CMC2: variants seen among roughly 807,000 people sequenced by gnomAD.
CMC2 encodes the protein C-X9-C motif containing 2.
CMC2 carries 5 observed loss-of-function variants against 7.5 expected under a neutral mutation model. The ratio of observed to expected loss-of-function variants is 0.66; its 90% CI spans 0.35 to 1.40. CMC2 has a LOEUF of 1.40. Among genes scored for constraint, CMC2 ranks in the 40% most tolerant of loss-of-function variants. The pLI, the probability that CMC2 is intolerant of heterozygous loss-of-function variation, is 0.04. For missense variants in CMC2, 115 were observed against 92.3 expected, an observed-to-expected ratio of 1.25 and a Z score of -1.01; for synonymous variants, 37 against 31.4, an observed-to-expected ratio of 1.18 and a Z score of -0.60.
At chr16:80,983,455 G>C (rs906140603) in intron 2 of CMC2, 1 of 152,152 alleles carries the variant, frequency 6.6e-6, no homozygotes, top group Non-Finnish European at 1.5e-5. Context: ...CACAAAGACA[G>C]TATAAAAGTT....
intron 3 of CMC2, chr16:80,980,630 C>G (rs1314551099): frequency 3.0e-5 from 13 of 432,730 alleles, no homozygotes; most frequent in Non-Finnish European, 4.5e-5. Context: ...TGACTCATGT[C>G]TGTAGTCCCA....
At chr16:80,988,056 C>T (rs141036437) in intron 2 of CMC2, among the ~76,000 whole-genome samples, 1 of 151,940 alleles carries the variant, frequency 6.6e-6, no homozygotes, top group Admixed American at 6.6e-5. Flanking sequence ...TGATGGCACA[C>T]ACCTGTACTC....
chr16:80,995,961 C>T (rs1363599238), intron 2 of CMC2, among the ~76,000 whole-genome samples: 2 of 151,292 alleles, frequency 1.3e-5, no homozygotes, highest in African/African-American at 4.9e-5. Flanking sequence ...TCTTTAGTTC[C>T]AGTGATTCAA....
chr16:80,976,700 T>C (rs563611159), intron 3 of CMC2, among the ~76,000 whole-genome samples: 5 of 152,322 alleles, frequency 3.3e-5, no homozygotes, highest in African/African-American at 1.2e-4. Flanking sequence ...TGTCTAACTG[T>C]TGGACAATTC....
intron 3 of CMC2, among the ~76,000 whole-genome samples, chr16:80,977,486 G>C (rs1212380542): frequency 6.6e-6 from 1 of 152,132 alleles, no homozygotes; most frequent in African/African-American, 2.4e-5. Context: ...GAAAACATGT[G>C]AACAGTTAAA....
intron 2 of CMC2, chr16:80,983,091 G>A (rs1967253571): frequency 6.5e-6 from 1 of 153,156 alleles, no homozygotes; most frequent in Admixed American, 6.5e-5. Flanking sequence ...TACCATAAAT[G>A]TATTTTCTCT....
In CMC2 at chr16:80,985,901, C is replaced by CAAAAAAAAAA. The variant is rs57915291; in HGVS notation, c.82-4034_82-4025dup. ...GAAATATCATTCTCCCATATACCTG[C>CAAAAAAAAAA]AAAAAAAAAAAAAAAAACCACAGGA... On this transcript the variant is annotated intron_variant, in intron 2 of 3. Coordinates refer to ENST00000219400, the MANE Select transcript of CMC2 (RefSeq NM_020188.5). Among the ~76,000 whole-genome samples the CAAAAAAAAAA allele has an allele frequency of 9.8e-3, 1,029 of 104,816 alleles. 53 individuals are homozygous for CAAAAAAAAAA. The East Asian group carries it at 0.1, about 10-fold the overall frequency. The allele number at this position is 104,816 out of a possible 152,430, so 68.8% of individuals were successfully genotyped here. A position where few individuals can be genotyped will look rare whatever the true frequency, so the allele number is the denominator to read the frequency against.
chr16:80,999,298 T>C (rs1968671714), intron 1 of CMC2, among the ~76,000 whole-genome samples: 1 of 152,016 alleles, frequency 6.6e-6, no homozygotes, highest in Admixed American at 6.6e-5. Context: ...AAATCAAGAA[T>C]ACAATCCCAT....
At chr16:80,983,526 T>C (rs1302476496) in intron 2 of CMC2, 1 of 152,238 alleles carries the variant, frequency 6.6e-6, no homozygotes, top group Non-Finnish European at 1.5e-5. Context: ...CAATCCATTC[T>C]CTATTACAGG....
chr16:81,004,711 G>A (rs1315578172), intron 1 of CMC2, among the ~76,000 whole-genome samples: 2 of 152,212 alleles, frequency 1.3e-5, no homozygotes, highest in Non-Finnish European at 2.9e-5. Flanking sequence ...GGTACTCTTA[G>A]TGAAGATATA....
intron 1 of CMC2, chr16:80,998,536 A>G (rs1348239968): frequency 1.3e-5 from 2 of 152,222 alleles, no homozygotes; most frequent in African/African-American, 2.4e-5. Flanking sequence ...CTATATTTTC[A>G]TAAGAATTAA....
At chr16:80,987,584 T>C (rs1157484257) in intron 2 of CMC2, among the ~76,000 whole-genome samples, 4 of 152,130 alleles carry the variant, frequency 2.6e-5, no homozygotes, top group African/African-American at 9.7e-5. Flanking sequence ...TTAGGCAAAA[T>C]AGGCCAGTAG....
At chr16:80,979,192 A>G (rs904755376) in intron 3 of CMC2, among the ~76,000 whole-genome samples, 4 of 152,228 alleles carry the variant, frequency 2.6e-5, no homozygotes, top group Admixed American at 2.0e-4. Flanking sequence ...GAAGAAATAC[A>G]TGAGTGCAGA....
chr16:80,973,223 C>T lies in CMC2; in HGVS notation c.*2870G>A, dbSNP rs1229628349. On this transcript the variant is annotated 3_prime_UTR_variant, in exon 4 of 4. Transcript: ENST00000219400. The stretch of plus-strand genomic sequence containing the variant: ...GAATGGGGCCGGCTTGGGATGAGTT[C>T]TAGAGGCCTGGCCCTTCCTTCTGCC... 1 of 152,306 alleles carries T rather than the reference C, an allele frequency of 6.6e-6. No homozygotes were observed. The highest frequency in any genetic ancestry group is 2.4e-5 in the African/African-American group (1 of 41,458). The allele number at this position is 152,306 out of a possible 1,614,324, so 9.4% of individuals were successfully genotyped here.
Position 80,997,416 on chromosome 16 carries a change from C to A in CMC2, c.-22G>T. The A allele has an allele frequency of 6.3e-7, 1 of 1,578,090 alleles. No homozygotes were observed. Among genetic ancestry groups the A allele is most frequent in the East Asian group, 2.3e-5 (1 of 44,410 alleles). On this transcript the variant is annotated 5_prime_UTR_variant, in exon 2 of 4. Transcript: ENST00000219400. ...GCATCTTTAGGAGATGAGGATGGAT[C>A]ACAGCAGTGCAACCTGTGGATACAA...
chr16:81,003,191 A>G (rs1213361472), intron 1 of CMC2, among the ~76,000 whole-genome samples: 1 of 152,228 alleles, frequency 6.6e-6, no homozygotes, highest in East Asian at 1.9e-4. Context: ...CTCAGAACAC[A>G]TGTAATTAAG....
At chr16:81,004,362 T>C (rs963271110) in intron 1 of CMC2, among the ~76,000 whole-genome samples, 2 of 152,220 alleles carry the variant, frequency 1.3e-5, no homozygotes, top group African/African-American at 4.8e-5. Flanking sequence ...AGAATAATAT[T>C]TAATTCCAGT....
chr16:80,976,056 G>C lies in CMC2; in HGVS notation c.*37C>G, dbSNP rs1193659041. On this transcript the variant is annotated 3_prime_UTR_variant, in exon 4 of 4. Transcript: ENST00000219400. ...TCAGGTATCAACCCAGAGTCTTTAGGTCTTCTCTCAGCCAAGGCATCGAGT... is the reference window on the plus strand; with the variant it reads ...TCAGGTATCAACCCAGAGTCTTTAGCTCTTCTCTCAGCCAAGGCATCGAGT... The C allele has an allele frequency of 8.4e-7, 1 of 1,184,772 alleles. No homozygotes were observed. The highest frequency in any genetic ancestry group is 1.3e-6 in the Non-Finnish European group (1 of 791,182). 73.4% of individuals were successfully genotyped at this position (1,184,772 alleles called of 1,614,324 possible).
At chr16:80,978,316 A>G (rs1003799974) in intron 3 of CMC2, 5 of 1,259,306 alleles carry the variant, frequency 4.0e-6, no homozygotes, top group Middle Eastern at 2.5e-4. Flanking sequence ...TCAGAAGATA[A>G]TACTTTGTAG....
Sources: allele counts gnomAD v4.1 joint callset (sites outside exome capture counted in the v4.1 genomes callset), GRCh38; gene constraint gnomAD v4.1.1; transcripts MANE v1.5; gene names NCBI Gene and HGNC (gene_info 2026-07-23, HGNC 2026-07-21).